ARHGEF28: variants seen among roughly 807,000 people sequenced by gnomAD.
ARHGEF28 encodes the protein Rho guanine nucleotide exchange factor 28.
A neutral mutation model predicts 206.6 loss-of-function variants in ARHGEF28; 152 were observed. The ratio of observed to expected loss-of-function variants is 0.74; its 90% CI spans 0.64 to 0.84. The LOEUF (loss-of-function observed/expected upper bound fraction) is 0.84, where lower values mean the gene tolerates loss of function less well. ARHGEF28 is among the 40% of genes least tolerant of loss of function. ARHGEF28 has a pLI of 0.00. For synonymous variants in ARHGEF28, 763 were observed against 776.4 expected, an observed-to-expected ratio of 0.98 and a Z score of 0.29; for missense variants, 2,028 against 2,073.2, an observed-to-expected ratio of 0.98 and a Z score of 0.42.
intron 2 of ARHGEF28, among the ~76,000 whole-genome samples, chr5:73,741,395 A>G (rs62357692): frequency 0.03 from 274 of 9,118 alleles, no homozygotes; most frequent in African/African-American, 0.038. Flanking sequence ...GTATATATAT[A>G]TATATATATA....
At chr5:73,762,182 G>A (rs1003232907) in intron 4 of ARHGEF28, among the ~76,000 whole-genome samples, 1 of 151,918 alleles carries the variant, frequency 6.6e-6, no homozygotes, top group Non-Finnish European at 1.5e-5. Flanking sequence ...GAGGCTGAGT[G>A]TGGTGGCTCA....
chr5:73,894,523 C>T lies in ARHGEF28; in HGVS notation c.3789C>T (p.Asp1263=), dbSNP rs1284726964. 2 of 1,613,926 alleles carry T rather than the reference C, an allele frequency of 1.2e-6. No homozygotes were observed. The highest frequency in any genetic ancestry group is 1.1e-5 in the South Asian group (1 of 91,064). Residue 1263 remains aspartate, a synonymous_variant, in exon 29 of 36, where the codon GAC becomes GAT. Coordinates refer to ENST00000513042, the MANE Select transcript of ARHGEF28 (RefSeq NM_001177693.2). ...AGCCCCACCTCCTTATTAAACCTGA[C>T]CCAGGCGAGCCTCCCCAGGCAGCCT... is the stretch of plus-strand genomic sequence containing the variant. ...HLEPHLLIKP[D]PGEPPQAASL... is the part of the protein sequence containing the mutation.
chr5:73,818,647 C>G (rs891363802), intron 9 of ARHGEF28, among the ~76,000 whole-genome samples: 4 of 152,200 alleles, frequency 2.6e-5, no homozygotes, highest in African/African-American at 9.6e-5. Context: ...GCCTAGAGGC[C>G]TACTACCATT....
chr5:73,789,850 A>G (rs1322316993), intron 7 of ARHGEF28, among the ~76,000 whole-genome samples: 1 of 152,074 alleles, frequency 6.6e-6, no homozygotes, highest in Non-Finnish European at 1.5e-5. Context: ...AGAAATCCCA[A>G]ATCTTATAAG....
At chr5:73,913,878 C>A (rs1029529900) in intron 35 of ARHGEF28, among the ~76,000 whole-genome samples, 1 of 152,192 alleles carries the variant, frequency 6.6e-6, no homozygotes, top group Non-Finnish European at 1.5e-5. Context: ...TAGGCCATAA[C>A]GTCTGCCGTT....
chr5:73,905,756 C>T (rs1225089609), intron 33 of ARHGEF28, among the ~76,000 whole-genome samples: 1 of 152,152 alleles, frequency 6.6e-6, no homozygotes, highest in Non-Finnish European at 1.5e-5. Flanking sequence ...TCCTTGTGTA[C>T]TCATCTCTTT....
intron 9 of ARHGEF28, among the ~76,000 whole-genome samples, chr5:73,825,321 G>A (rs928247526): frequency 2.1e-4 from 32 of 152,236 alleles, no homozygotes; most frequent in Non-Finnish European, 4.1e-4. Flanking sequence ...AAGTGAGAAA[G>A]CAAGGCATCT....
At chr5:73,850,526 C>T (rs1164657298) in intron 13 of ARHGEF28, among the ~76,000 whole-genome samples, 1 of 151,964 alleles carries the variant, frequency 6.6e-6, no homozygotes, top group Non-Finnish European at 1.5e-5. Context: ...ACTGATAGTC[C>T]CAGCTGATGA....
chr5:73,657,988 AT>A (rs775247644), intron 1 of ARHGEF28, among the ~76,000 whole-genome samples: 39 of 152,120 alleles, frequency 2.6e-4, no homozygotes, highest in Non-Finnish European at 5.6e-4. Context: ...ATGAGTCTTT[AT>A]TTTATGACTT....
In ARHGEF28 at chr5:73,642,474, C is replaced by G. The variant is rs77166116; in HGVS notation, c.-12+16152C>G. 5.3e-3 allele frequency among the ~76,000 whole-genome samples: 801 copies of G among 152,272 alleles called. 4 individuals are homozygous for G. The highest frequency in any genetic ancestry group is 0.018 in the African/African-American group (750 of 41,558). On this transcript the variant is annotated intron_variant, in intron 1 of 35. Transcript: ENST00000513042. Reference sequence around the variant, plus strand: ...TAGTCTTGACTCAGAATTCTGACCTCTCGATACCTGTGCTCTGTTCCCAGT... The same window carrying G: ...TAGTCTTGACTCAGAATTCTGACCTGTCGATACCTGTGCTCTGTTCCCAGT...
intron 5 of ARHGEF28, among the ~76,000 whole-genome samples, chr5:73,776,169 G>C (rs1002242294): frequency 3.9e-5 from 6 of 152,140 alleles, no homozygotes; most frequent in Admixed American, 1.3e-4. Flanking sequence ...TTCTACTACA[G>C]GTAGCCCCAT....
At chr5:73,806,962 A>G (rs987833358) in intron 9 of ARHGEF28, among the ~76,000 whole-genome samples, 1 of 148,530 alleles carries the variant, frequency 6.7e-6, no homozygotes, top group Non-Finnish European at 1.5e-5. Flanking sequence ...TATTAAATCT[A>G]TATAAAATAT....
At chr5:73,840,788 T>C in intron 11 of ARHGEF28, 28 bp downstream of exon 11, 2 of 1,581,914 alleles carry the variant, frequency 1.3e-6, no homozygotes, top group South Asian at 2.3e-5. Context: ...AGAGGAAAAC[T>C]GTAGAACATC....
In ARHGEF28 at chr5:73,890,765, T is replaced by A. The variant is rs1274247417; in HGVS notation, c.3388-1287T>A. On this transcript the variant is annotated intron_variant, in intron 26 of 35. Transcript: ENST00000513042. ...AAAGGCGTCGCTCAGTCCATGATGG[T>A]GAAGCAAAACCACACACTGCAACCA... 3.9e-5 allele frequency among the ~76,000 whole-genome samples: 6 copies of A among 152,140 alleles called. 1 individual carries two copies. Among genetic ancestry groups the A allele is most frequent in the South Asian group, 4.2e-4 (2 of 4,818 alleles).
Position 73,852,640 on chromosome 5 carries a change from T to C in ARHGEF28, c.1748-10T>C. ...CCTTAGTTTTCATTTTATTGTTCTG[T>C]GTCTTGTAGAGCAAAGAGCTTACAG... On this transcript the variant is annotated splice_polypyrimidine_tract_variant and intron_variant, in intron 13 of 35. Transcript: ENST00000513042. 2.5e-6 allele frequency: 4 copies of C among 1,613,506 alleles called. No individual in the cohort carries two copies. The South Asian group carries it at 4.4e-5, about 18-fold the overall frequency.
intron 7 of ARHGEF28, among the ~76,000 whole-genome samples, chr5:73,787,757 G>C (rs147253982): frequency 6.6e-6 from 1 of 152,092 alleles, no homozygotes; most frequent in Non-Finnish European, 1.5e-5. Flanking sequence ...AGCCTTTTCT[G>C]TATTTCCTTT....
intron 10 of ARHGEF28, among the ~76,000 whole-genome samples, chr5:73,834,206 C>CT (rs1302630592): frequency 6.6e-6 from 1 of 152,076 alleles, no homozygotes; most frequent in Non-Finnish European, 1.5e-5. Flanking sequence ...AGTGAGAATA[C>CT]TTAAGATCTA....
intron 1 of ARHGEF28, among the ~76,000 whole-genome samples, chr5:73,683,428 T>A (rs750345): frequency 6.6e-6 from 1 of 151,848 alleles, no homozygotes; most frequent in Admixed American, 6.6e-5. Context: ...TTGATTACTC[T>A]AGGTACCTCA....
At chr5:73,730,533 G>GGTTT (rs1750551940) in intron 2 of ARHGEF28, among the ~76,000 whole-genome samples, 1 of 139,642 alleles carries the variant, frequency 7.2e-6, no homozygotes, top group African/African-American at 2.8e-5. Context: ...CCATAAGGAG[G>GGTTT]ATTTTTTTTT....
Sources: gnomAD v4.1 joint callset for allele counts (sites outside exome capture counted in the v4.1 genomes callset) on GRCh38, gnomAD v4.1.1 for gene constraint, MANE v1.5 for transcripts, NCBI Gene and HGNC (gene_info 2026-07-23, HGNC 2026-07-21) for gene names.